SYT13: variants seen among roughly 807,000 people sequenced by gnomAD.
SYT13 encodes synaptotagmin-13.
Under a neutral mutation model 38.6 loss-of-function variants are expected in SYT13, and 21 were observed. The observed-to-expected ratio is 0.54, with a 90% CI of 0.39 to 0.78. SYT13 has a LOEUF of 0.78. Ranked by LOEUF, SYT13 falls within the 30% of genes least tolerant of loss-of-function variation. The pLI is 0.00. For missense variants in SYT13, 495 were observed against 548.7 expected, an observed-to-expected ratio of 0.90 and a Z score of 0.98; for synonymous variants, 241 against 237.6, an observed-to-expected ratio of 1.01 and a Z score of -0.13.
intron 1 of SYT13, among the ~76,000 whole-genome samples, chr11:45,270,445 G>T (rs1854936009): frequency 6.6e-6 from 1 of 152,084 alleles, no homozygotes; most frequent in Admixed American, 6.6e-5. Context: ...GAAGCTATAG[G>T]ATTACATGAT....
chr11:45,244,479 T>A (rs906789270), intron 5 of SYT13, 123 bp from the exon 6 acceptor site: 3 of 1,200,250 alleles, frequency 2.5e-6, no homozygotes, highest in Middle Eastern at 2.9e-4. Flanking sequence ...AGTTCGGACA[T>A]CTGTGCCCCA....
chr11:45,281,096 T>A (rs144667526), intron 1 of SYT13, among the ~76,000 whole-genome samples: 1 of 151,922 alleles, frequency 6.6e-6, no homozygotes, highest in African/African-American at 2.4e-5. Flanking sequence ...CTTGGAAGGC[T>A]GAGGCAAGAG....
rs139732107 is a variant in SYT13, at chr11:45,250,784, G to A, written c.846+1637C>T. Among the ~76,000 whole-genome samples the A allele has an allele frequency of 5.9e-5, 9 of 152,244 alleles. No homozygotes were observed. The East Asian group carries it at 1.2e-3, about 20-fold the overall frequency. The stretch of plus-strand genomic sequence containing the variant: ...CATAGCAAAAAGAGGAGCAGACAGC[G>A]GGTGAAACGTACTCTTCCCTCCTGC... On this transcript the variant is annotated intron_variant, in intron 4 of 5. Coordinates refer to ENST00000020926, the MANE Select transcript of SYT13 (RefSeq NM_020826.3).
At chr11:45,251,177 T>A (rs1259204887) in intron 4 of SYT13, among the ~76,000 whole-genome samples, 2 of 151,730 alleles carry the variant, frequency 1.3e-5, no homozygotes, top group Non-Finnish European at 2.9e-5. Flanking sequence ...GATCACAAGG[T>A]CAGGAGATCA....
intron 1 of SYT13, among the ~76,000 whole-genome samples, chr11:45,284,729 A>G (rs1855113519): frequency 1.3e-5 from 2 of 152,098 alleles, no homozygotes; most frequent in South Asian, 4.1e-4. Context: ...GGCAGGAAAG[A>G]AGGTTGAGAG....
intron 1 of SYT13, among the ~76,000 whole-genome samples, chr11:45,273,779 T>C (rs369431269): frequency 8.5e-5 from 13 of 152,352 alleles, no homozygotes; most frequent in African/African-American, 3.1e-4. Context: ...CCCTTTTCAT[T>C]CTAACAGACA....
rs188702498 is a variant in SYT13 at position 45,256,146 on chromosome 11, C to T, written c.184-255G>A. Among the ~76,000 whole-genome samples, 97 of 152,276 alleles carry T rather than the reference C, an allele frequency of 6.4e-4. 1 individual carries two copies. Among genetic ancestry groups the T allele is most frequent in the Non-Finnish European group, 2.6e-4 (18 of 68,022 alleles). ...TCGGCCCATCCATCCTATGGCTGCG[C>T]CCATGGATATTGCCTGGACCTGCTG... On this transcript the variant is annotated intron_variant, in intron 1 of 5. Transcript: ENST00000020926.
At position 45,242,316 on chromosome 11, in the gene SYT13, C is replaced by A. The variant is rs1226980542; in HGVS notation, c.*1736G>T. 1 of 152,188 alleles carries A rather than the reference C, an allele frequency of 6.6e-6. No individual in the cohort carries two copies. Among genetic ancestry groups the A allele is most frequent in the African/African-American group, 2.4e-5 (1 of 41,446 alleles). 9.4% of individuals were successfully genotyped at this position (152,188 alleles called of 1,614,324 possible). A position where few individuals can be genotyped will look rare whatever the true frequency, so the allele number is the denominator to read the frequency against. ...GGGCGCGGTGGCTCAGGCCTGTAATCCCAGTACTTTGGGAGGCCGAGGAGG... is the reference window on the plus strand; with the variant it reads ...GGGCGCGGTGGCTCAGGCCTGTAATACCAGTACTTTGGGAGGCCGAGGAGG... On this transcript the variant is annotated 3_prime_UTR_variant, in exon 6 of 6. Transcript: ENST00000020926.
intron 1 of SYT13, among the ~76,000 whole-genome samples, chr11:45,258,715 G>A (rs982501431): frequency 1.3e-5 from 2 of 152,196 alleles, no homozygotes; most frequent in African/African-American, 4.8e-5. Flanking sequence ...CTTCAGGGAG[G>A]AGCCAGGGCA....
chr11:45,255,517 A>G (rs1006514880), intron 2 of SYT13, 149 bp downstream of exon 2: 33 of 711,060 alleles, frequency 4.6e-5, no homozygotes, highest in Admixed American at 4.0e-4. Context: ...AAGGACCATA[A>G]TTCTGAGGCC....
chr11:45,282,809 T>C (rs1172913500), intron 1 of SYT13, among the ~76,000 whole-genome samples: 2 of 152,210 alleles, frequency 1.3e-5, no homozygotes, highest in African/African-American at 2.4e-5. Context: ...AACCTTTTAA[T>C]GCTATCTACA....
intron 4 of SYT13, among the ~76,000 whole-genome samples, chr11:45,250,499 G>C (rs1421206953): frequency 6.6e-6 from 1 of 152,190 alleles, no homozygotes; most frequent in East Asian, 1.9e-4. Context: ...CTGGATTTCT[G>C]CCCTTTGGGG....
At chr11:45,279,809 G>A (rs1293165244) in intron 1 of SYT13, among the ~76,000 whole-genome samples, 4 of 152,182 alleles carry the variant, frequency 2.6e-5, no homozygotes, top group Admixed American at 1.3e-4. Context: ...ATGGAGGTCA[G>A]ACCTTACAGC....
At chr11:45,259,081 G>T (rs1023767526) in intron 1 of SYT13, among the ~76,000 whole-genome samples, 1 of 151,912 alleles carries the variant, frequency 6.6e-6, no homozygotes, top group Non-Finnish European at 1.5e-5. Flanking sequence ...CCACCCCCTT[G>T]CCCCCTGCAA....
Position 45,255,721 on chromosome 11 carries a change from A to C in SYT13, c.354T>G (p.Asn118Lys). The C allele has an allele frequency of 6.2e-7, 1 of 1,614,104 alleles. No homozygotes were observed. The highest frequency in any genetic ancestry group is 8.5e-7 in the Non-Finnish European group (1 of 1,180,010). ...TGACCTGCCTCTTGAGGCGACTGTC[A>C]TTCGGGGGTTGGGGGCTGGCAGGTG... ...PTAPASPQPP[N>K]DSRLKRQVTE... Residue 118 changes from asparagine to lysine, a missense_variant, in exon 2 of 6, where the codon AAT (asparagine) becomes AAG (lysine). Coordinates refer to ENST00000020926, the MANE Select transcript of SYT13 (RefSeq NM_020826.3).
At position 45,243,944 on chromosome 11, in the gene SYT13, C is replaced by T. The variant is rs547638183; in HGVS notation, c.*108G>A. On this transcript the variant is annotated 3_prime_UTR_variant, in exon 6 of 6. Transcript: ENST00000020926. The stretch of plus-strand genomic sequence containing the variant: ...GAGAGAGCCATCCCAGCCTTGCAAA[C>T]ACATCTGTCACTGTCTTCTGGGTGT... 88 of 1,215,878 alleles carry T rather than the reference C, an allele frequency of 7.2e-5. 1 individual carries two copies. The South Asian group carries it at 1.1e-3, about 16-fold the overall frequency. The allele number at this position is 1,215,878 out of a possible 1,614,324, so 75.3% of individuals were successfully genotyped here. A position where few individuals can be genotyped will look rare whatever the true frequency, so the allele number is the denominator to read the frequency against.
chr11:45,251,695 A>G (rs920335676), intron 4 of SYT13, among the ~76,000 whole-genome samples: 5 of 152,136 alleles, frequency 3.3e-5, no homozygotes, highest in Non-Finnish European at 7.4e-5. Flanking sequence ...GGCGCATGGG[A>G]AACAATGATT....
At chr11:45,264,368 A>C (rs963749342) in intron 1 of SYT13, among the ~76,000 whole-genome samples, 3 of 152,220 alleles carry the variant, frequency 2.0e-5, no homozygotes, top group Non-Finnish European at 2.9e-5. Context: ...CAATGCTTCT[A>C]AGATTAGATT....
At chr11:45,254,737 C>G (rs1278716207) in intron 2 of SYT13, 1 of 209,466 alleles carries the variant, frequency 4.8e-6, no homozygotes, top group African/African-American at 2.3e-5. Context: ...CATATCTTCC[C>G]CAGTGCCCAG....
Sources: gnomAD v4.1 joint callset for allele counts (sites outside exome capture counted in the v4.1 genomes callset) on GRCh38, gnomAD v4.1.1 for gene constraint, MANE v1.5 for transcripts, NCBI Gene and HGNC (gene_info 2026-07-23, HGNC 2026-07-21) for gene names.